COL12A1: variants seen among roughly 807,000 people sequenced by gnomAD.
The protein encoded by COL12A1 is collagen type XII alpha 1 chain.
A neutral mutation model predicts 349.7 loss-of-function variants in COL12A1; 114 were observed. That is an observed-to-expected ratio of 0.33 (90% CI 0.28 to 0.38). The LOEUF (loss-of-function observed/expected upper bound fraction) is 0.38. Ranked by LOEUF, COL12A1 falls within the 10% of genes least tolerant of loss-of-function variation. The pLI is 1.00. For missense variants in COL12A1, 3,284 were observed against 3,756.9 expected (o/e 0.87, Z 3.29); for synonymous variants, 1,369 against 1,329.0 (o/e 1.03, Z -0.66).
At chr6:75,195,543 C>A (rs1182714357) in intron 2 of COL12A1, among the ~76,000 whole-genome samples, 2 of 151,966 alleles carry the variant, frequency 1.3e-5, no homozygotes, top group Non-Finnish European at 2.9e-5. Flanking sequence ...AATAAGGAAT[C>A]ATGGGAAAGT....
chr6:75,152,579 G>A, intron 17 of COL12A1, 97 bp from the exon 18 acceptor site: 1 of 1,367,716 alleles, frequency 7.3e-7, no homozygotes, highest in South Asian at 1.2e-5. Flanking sequence ...CCTCAGTGTT[G>A]CCTGTCTCAG....
chr6:75,159,474 C>A (rs1263738782), intron 14 of COL12A1, among the ~76,000 whole-genome samples: 1 of 147,258 alleles, frequency 6.8e-6, no homozygotes, highest in Non-Finnish European at 1.5e-5. Flanking sequence ...ATATGTATTT[C>A]CAAACAAAAA....
chr6:75,177,767 G>A lies in COL12A1; in HGVS notation c.2333C>T (p.Thr778Ile). 6.2e-7 allele frequency: 1 copy of A among 1,614,060 alleles called. No individual in the cohort carries two copies. Residue 778 changes from threonine to isoleucine, a missense_variant, in exon 12 of 66, where the codon ACA becomes ATA. Thr to Ile is a moderately conservative substitution (Grantham distance 89). Around this residue, in one of 2 missense-constraint regions of COL12A1, gnomAD observed 2,601 missense variants for 2,824.8 expected, o/e 0.92. Coordinates refer to ENST00000322507, the MANE Select transcript of COL12A1 (RefSeq NM_004370.6). ...CGTGTCTGGAATCAAGTTCTCCAGTGTTCTCCTCCTCTGATTGGGTGGGGT... is the reference window on the plus strand; with the variant it reads ...CGTGTCTGGAATCAAGTTCTCCAGTATTCTCCTCCTCTGATTGGGTGGGGT... The part of the protein sequence containing the change: ...VTTPPNQRRR[T>I]LENLIPDTKY...
intron 33 of COL12A1, 44 bp from the exon 34 acceptor site, chr6:75,133,466 G>A (rs757249873): frequency 1.7e-5 from 26 of 1,573,758 alleles, no homozygotes; most frequent in Middle Eastern, 3.4e-4. Flanking sequence ...TGAAAAATTT[G>A]TGAAAGAAAT....
intron 27 of COL12A1, among the ~76,000 whole-genome samples, chr6:75,140,746 T>C (rs1766851860): frequency 6.6e-6 from 1 of 151,482 alleles, no homozygotes; most frequent in South Asian, 2.1e-4. Context: ...GAACATGCCA[T>C]TGAGCCTTTG....
chr6:75,123,721 C>A (rs943300633), intron 42 of COL12A1, among the ~76,000 whole-genome samples: 6 of 152,192 alleles, frequency 3.9e-5, no homozygotes, highest in Non-Finnish European at 8.8e-5. Flanking sequence ...CCTCCTTTAG[C>A]CCTTCCTCAA....
rs77377491 is a variant in COL12A1 at position 75,189,538 on chromosome 6, T to A, written c.658+14A>T. 6.3e-7 allele frequency: 1 copy of A among 1,598,040 alleles called. No individual in the cohort carries two copies. Among genetic ancestry groups the A allele is most frequent in the African/African-American group, 1.4e-5 (1 of 73,906 alleles). ...TCATTTATTTTTAACTTTAAAAAAATCTGTAGAACATACCTGTCATTGTGT... is the reference window on the plus strand; with the variant it reads ...TCATTTATTTTTAACTTTAAAAAAAACTGTAGAACATACCTGTCATTGTGT... On this transcript the variant is annotated intron_variant, in intron 6 of 65. Coordinates refer to ENST00000322507, the MANE Select transcript of COL12A1 (RefSeq NM_004370.6).
At position 75,156,383 on chromosome 6, in the gene COL12A1, T is replaced by C; in HGVS notation, c.3124A>G (p.Lys1042Glu). 6.2e-7 allele frequency: 1 copy of C among 1,613,992 alleles called. No homozygotes were observed. Among genetic ancestry groups the C allele is most frequent in the South Asian group, 1.1e-5 (1 of 91,072 alleles). The change falls in exon 15 of 66, where the codon AAG becomes GAG. Residue 1042 changes from lysine (K) to glutamate (E), a missense_variant. Physicochemically the swap from Lys to Glu is moderately conservative, Grantham distance 56. Around this residue, in one of 2 missense-constraint regions of COL12A1, gnomAD observed 2,601 missense variants for 2,824.8 expected, o/e 0.92. Transcript: ENST00000322507. Reference sequence around the variant, plus strand: ...GTCGAAGTGACTGTGGGGGGCACCTTAGCAACCATTTGCTTCCCTCTCCCA... The same window carrying C: ...GTCGAAGTGACTGTGGGGGGCACCTCAGCAACCATTTGCTTCCCTCTCCCA... ...PHGRGKQMVA[K>E]VPPTVTSTVL...
Position 75,183,971 on chromosome 6 carries a change from C to A in COL12A1, c.1171G>T (p.Val391Phe), listed in dbSNP as rs565496900. 7.4e-6 allele frequency: 12 copies of A among 1,614,086 alleles called. No homozygotes were observed. The highest frequency in any genetic ancestry group is 4.0e-5 in the African/African-American group (3 of 74,920). ...TCTGTGTCTGCTGAGAGGTCGCGAACACTGAGCGTGGTTGTCTGAGGCCCC... is the reference window on the plus strand; with the variant it reads ...TCTGTGTCTGCTGAGAGGTCGCGAAAACTGAGCGTGGTTGTCTGAGGCCCC... Reference protein sequence around the residue: ...SVGPQTTTLSVRDLSADTEYQ... With the variant: ...SVGPQTTTLSFRDLSADTEYQ... Residue 391 changes from valine to phenylalanine, a missense_variant, in exon 9 of 66, where the codon GTT becomes TTT. By Grantham distance (50) the Val-to-Phe change is conservative. This residue lies in a region of COL12A1 where 2,601 missense variants were observed against 2,824.8 expected (regional missense o/e 0.92). Transcript: ENST00000322507.
intron 64 of COL12A1, among the ~76,000 whole-genome samples, chr6:75,088,539 T>G (rs1445163956): frequency 6.6e-6 from 1 of 151,860 alleles, no homozygotes; most frequent in African/African-American, 2.4e-5. Context: ...GGGGAAATAG[T>G]AACCCTTTGT....
intron 45 of COL12A1, 56 bp downstream of exon 45, chr6:75,119,292 TAC>T (rs1268933058): frequency 1.2e-6 from 2 of 1,605,896 alleles, no homozygotes; most frequent in Non-Finnish European, 1.7e-6. Context: ...CATGAGATAA[TAC>T]ACTCAGTTCT....
intron 5 of COL12A1, among the ~76,000 whole-genome samples, chr6:75,191,403 C>T (rs1420915376): frequency 2.6e-5 from 4 of 151,944 alleles, no homozygotes; most frequent in Non-Finnish European, 5.9e-5. Flanking sequence ...CTGAGATGTG[C>T]TTTGTTTTCA....
chr6:75,199,903 C>T (rs1358947136), intron 2 of COL12A1, among the ~76,000 whole-genome samples: 1 of 151,940 alleles, frequency 6.6e-6, no homozygotes, highest in Non-Finnish European at 1.5e-5. Context: ...AAAGTGAATA[C>T]CAAAACATTT....
intron 3 of COL12A1, among the ~76,000 whole-genome samples, chr6:75,194,433 T>C (rs1406974565): frequency 6.6e-6 from 1 of 152,176 alleles, no homozygotes; most frequent in Non-Finnish European, 1.5e-5. Context: ...GATACTGAAA[T>C]GTGTAGGACA....
chr6:75,117,625 A>G, intron 46 of COL12A1, 79 bp from the exon 47 acceptor site: 3 of 1,467,730 alleles, frequency 2.0e-6, no homozygotes, highest in African/African-American at 1.4e-5. Context: ...AAAAATTCTT[A>G]TCAGAAATGA....
intron 51 of COL12A1, among the ~76,000 whole-genome samples, chr6:75,110,633 A>C (rs1362288892): frequency 6.6e-6 from 1 of 151,990 alleles, no homozygotes; most frequent in Admixed American, 6.6e-5. Flanking sequence ...TCTCACATGA[A>C]TCCATGTCAT....
intron 59 of COL12A1, 33 bp from the exon 60 acceptor site, chr6:75,095,212 T>A (rs773764123): frequency 1.3e-6 from 2 of 1,548,504 alleles, no homozygotes; most frequent in African/African-American, 1.4e-5. Context: ...GGGACTGTTA[T>A]GACAAAGGGA....
At chr6:75,155,321 A>T (rs1385103062) in intron 16 of COL12A1, among the ~76,000 whole-genome samples, 1 of 152,176 alleles carries the variant, frequency 6.6e-6, no homozygotes, top group Admixed American at 6.5e-5. Flanking sequence ...CCATGCTTCC[A>T]CATGGCTACA....
intron 14 of COL12A1, among the ~76,000 whole-genome samples, chr6:75,157,662 G>T (rs1306808168): frequency 3.3e-5 from 5 of 152,088 alleles, no homozygotes; most frequent in African/African-American, 1.2e-4. Context: ...AGTCTGGAGA[G>T]CCCAAAGCAA....
Sources: allele counts gnomAD v4.1 joint callset (sites outside exome capture counted in the v4.1 genomes callset), GRCh38; gene constraint gnomAD v4.1.1; regional missense constraint gnomAD v4.1.1; transcripts MANE v1.5; gene names NCBI Gene and HGNC (gene_info 2026-07-23, HGNC 2026-07-21).